MTBP: variants seen among roughly 807,000 people sequenced by gnomAD.
MTBP encodes mdm2-binding protein.
A neutral mutation model predicts 117.0 loss-of-function variants in MTBP; 101 were observed. The observed-to-expected ratio is 0.86, with a 90% CI of 0.73 to 1.02. MTBP has a LOEUF of 1.02. MTBP is among the 50% of genes least tolerant of loss of function. MTBP has a pLI of 0.00. For synonymous variants in MTBP, 350 were observed against 351.5 expected (o/e 1.00, Z 0.05); for missense variants, 970 against 1,030.9 (o/e 0.94, Z 0.81).
intron 12 of MTBP, among the ~76,000 whole-genome samples, chr8:120,490,168 G>C (rs193270314): frequency 6.6e-6 from 1 of 152,240 alleles, no homozygotes; most frequent in African/African-American, 2.4e-5. Flanking sequence ...TTCCCTATCT[G>C]TGATTTCTGA....
chr8:120,514,331 C>G (rs543567560), intron 17 of MTBP, among the ~76,000 whole-genome samples: 1 of 152,082 alleles, frequency 6.6e-6, no homozygotes, highest in East Asian at 1.9e-4. Flanking sequence ...CTACATAACT[C>G]TGCAACTTTG....
At chr8:120,482,730 T>C (rs1243829861) in intron 11 of MTBP, among the ~76,000 whole-genome samples, 2 of 146,620 alleles carry the variant, frequency 1.4e-5, no homozygotes, top group African/African-American at 4.9e-5. Flanking sequence ...GACGGAGTCT[T>C]GCTTTGTTGC....
At position 120,446,464 on chromosome 8, in the gene MTBP, GA is replaced by G. The variant is rs1459132894; in HGVS notation, c.154del (p.Arg52GlufsTer115). The G allele has an allele frequency of 6.2e-7, 1 of 1,610,160 alleles. No homozygotes were observed. Among genetic ancestry groups the G allele is most frequent in the Non-Finnish European group, 8.5e-7 (1 of 1,176,798 alleles). ...CAGCAGCAAATGTTTATCACCTCTT[GA>G]AAAGAAGCATTAGTGCTTCAATTAA... ...FTAANVYHLL[K>X]RSISASINPE... On this transcript the variant is annotated frameshift_variant, in exon 2 of 22. Transcript: ENST00000305949. LOFTEE classifies it high-confidence loss of function.
At chr8:120,515,420 T>C (rs11786108) in intron 17 of MTBP, among the ~76,000 whole-genome samples, 152,128 of 152,128 alleles carry the variant, frequency 1, 76,064 homozygotes, top group Non-Finnish European at 1. Flanking sequence ...ATCTGTCAAT[T>C]AGTTAATAAG....
At chr8:120,493,408 T>C (rs1485350378) in intron 13 of MTBP, among the ~76,000 whole-genome samples, 1 of 152,154 alleles carries the variant, frequency 6.6e-6, no homozygotes, top group East Asian at 1.9e-4. Flanking sequence ...AATTGTAATA[T>C]AATTGACAGG....
intron 4 of MTBP, 70 bp downstream of exon 4, chr8:120,451,392 A>G (rs1303631457): frequency 7.6e-7 from 1 of 1,323,558 alleles, no homozygotes; most frequent in Non-Finnish European, 1.1e-6. Context: ...ATCCATGAGA[A>G]TGAAGATTAT....
In MTBP at chr8:120,502,626, T is replaced by A; in HGVS notation, c.1727+17T>A. 1 of 1,447,286 alleles carries A rather than the reference T, an allele frequency of 6.9e-7. No homozygotes were observed. The highest frequency in any genetic ancestry group is 9.6e-7 in the Non-Finnish European group (1 of 1,044,344). The allele number at this position is 1,447,286 out of a possible 1,614,324, so 89.7% of individuals were successfully genotyped here. A position where few individuals can be genotyped will look rare whatever the true frequency, so the allele number is the denominator to read the frequency against. On this transcript the variant is annotated intron_variant, in intron 15 of 21. Transcript: ENST00000305949. ...AAAAATGAGGTAATATTTGAATCTG[T>A]AGTAAAGCATGTGATAGCTCAGTAA...
chr8:120,484,981 G>A (rs1211737643), intron 11 of MTBP, among the ~76,000 whole-genome samples: 1 of 152,136 alleles, frequency 6.6e-6, no homozygotes, highest in Admixed American at 6.6e-5. Context: ...ACATGCTGTA[G>A]CATATGCCAG....
At chr8:120,499,880 A>G (rs1273191846) in intron 14 of MTBP, among the ~76,000 whole-genome samples, 1 of 152,218 alleles carries the variant, frequency 6.6e-6, no homozygotes, top group East Asian at 1.9e-4. Flanking sequence ...CATTGGACAC[A>G]TCAACACACT....
At chr8:120,466,031 G>C (rs1208307588) in intron 10 of MTBP, among the ~76,000 whole-genome samples, 2 of 151,954 alleles carry the variant, frequency 1.3e-5, no homozygotes, top group Non-Finnish European at 2.9e-5. Flanking sequence ...CTCAAACCAT[G>C]ATTGTAAAAT....
chr8:120,483,007 C>CTT (rs71306885), intron 11 of MTBP, among the ~76,000 whole-genome samples: 2,637 of 140,030 alleles, frequency 0.019, 81 homozygotes, highest in African/African-American at 0.065. Flanking sequence ...ACAGTACTAT[C>CTT]TTTTTTTTTT....
chr8:120,463,851 T>A (rs1303255523), intron 10 of MTBP, 90 bp downstream of exon 10: 6 of 1,218,648 alleles, frequency 4.9e-6, no homozygotes, highest in Non-Finnish European at 7.0e-6. Flanking sequence ...AACTTATTAA[T>A]CTGTTTGCTT....
intron 10 of MTBP, among the ~76,000 whole-genome samples, chr8:120,469,499 C>T (rs923281538): frequency 6.6e-6 from 1 of 152,150 alleles, no homozygotes; most frequent in African/African-American, 2.4e-5. Flanking sequence ...GCCGCTATAC[C>T]ACTCATCTTC....
intron 20 of MTBP, among the ~76,000 whole-genome samples, chr8:120,519,506 TTATG>T (rs546195811): frequency 1.1e-4 from 16 of 152,264 alleles, no homozygotes; most frequent in African/African-American, 3.8e-4. Flanking sequence ...CAATGTTAGA[TTATG>T]TCCAGCCTTA....
chr8:120,446,079 A>C (rs1464530917), intron 1 of MTBP, among the ~76,000 whole-genome samples: 1 of 152,186 alleles, frequency 6.6e-6, no homozygotes, highest in South Asian at 2.1e-4. Context: ...ACCCGTCTAG[A>C]TTCAATATTG....
intron 16 of MTBP, among the ~76,000 whole-genome samples, chr8:120,507,257 ATAG>A (rs764804510): frequency 8.5e-5 from 13 of 152,148 alleles, no homozygotes; most frequent in Non-Finnish European, 1.6e-4. Context: ...GGCATGCCTA[ATAG>A]TAGCAAAAAG....
In MTBP at chr8:120,506,861, G is replaced by A. The variant is rs1351923941; in HGVS notation, c.1883G>A (p.Gly628Glu). ...CTTCAACCTTTACCGATTCAAAAGG[G>A]GTAGGTTATAAACTTATAATTTCCA... Reference protein sequence around the residue: ...GDLQPLPIQKGEKTFVLTPEL... With the variant: ...GDLQPLPIQKEEKTFVLTPEL... The change falls in exon 16 of 22, where the codon GGG (glycine) becomes GAG (glutamate). Residue 628 changes from glycine (G) to glutamate (E), a missense_variant and splice_region_variant. Transcript: ENST00000305949. The A allele has an allele frequency of 1.0e-5, 16 of 1,594,476 alleles. No homozygotes were observed. Among genetic ancestry groups the A allele is most frequent in the Non-Finnish European group, 1.4e-5 (16 of 1,173,924 alleles).
At chr8:120,465,398 T>C (rs910496129) in intron 10 of MTBP, among the ~76,000 whole-genome samples, 1 of 152,154 alleles carries the variant, frequency 6.6e-6, no homozygotes, top group Non-Finnish European at 1.5e-5. Context: ...ATAATCCCTC[T>C]GTTACCTATT....
chr8:120,523,166 G>A (rs1815033710), intron 21 of MTBP, 132 bp from the exon 22 acceptor site: 4 of 644,830 alleles, frequency 6.2e-6, no homozygotes, highest in Non-Finnish European at 1.1e-5. Flanking sequence ...GTGTATTTAA[G>A]TATAAGATTT....
Sources: allele counts gnomAD v4.1 joint callset (sites outside exome capture counted in the v4.1 genomes callset), GRCh38; gene constraint gnomAD v4.1.1; transcripts MANE v1.5; gene names NCBI Gene and HGNC (gene_info 2026-07-23, HGNC 2026-07-21).